CELF2: variants seen among roughly 807,000 people sequenced by gnomAD.
CELF2 encodes CUGBP Elav-like family member 2, also known as CUG triplet repeat RNA-binding protein 2.
In CELF2, 8 loss-of-function variants were observed where a neutral mutation model predicts 62.6. The ratio of observed to expected loss-of-function variants is 0.13; its 90% CI spans 0.07 to 0.23. The LOEUF is 0.23. Among genes scored for constraint, CELF2 ranks in the 10% least tolerant of loss-of-function variants. The probability of loss-of-function intolerance (pLI) is 1.00; values close to 1 mark genes in which losing one functional copy is unlikely to be tolerated. For synonymous variants in CELF2, 258 were observed against 250.0 expected, an observed-to-expected ratio of 1.03 and a Z score of -0.30; for missense variants, 333 against 671.0, an observed-to-expected ratio of 0.50 and a Z score of 5.56.
In CELF2 at chr10:10,947,163, G is replaced by A. The variant is rs777758519; in HGVS notation, c.89+27164G>A. 5 of 152,230 alleles carry A rather than the reference G, an allele frequency of 3.3e-5. No homozygotes were observed. The highest frequency in any genetic ancestry group is 2.1e-4 in the South Asian group (1 of 4,828). The allele number at this position is 152,230 out of a possible 1,614,324, so 9.4% of individuals were successfully genotyped here. A position where few individuals can be genotyped will look rare whatever the true frequency, so the allele number is the denominator to read the frequency against. ...GAGAAGGCAAGGAAACCTTCCAATC[G>A]TTAGAAGTGCACAGGCTCGCTTTCA... On this transcript the variant is annotated intron_variant, in intron 2 of 13. Transcript: ENST00000636488. This position sits in a 1 kb window ranked among gnomAD's most constrained non-coding sequence, Gnocchi z 4.1.
rs1224601171 is a variant in CELF2, at chr10:11,296,828, T to A, written c.976+8276T>A. 6.6e-6 allele frequency among the ~76,000 whole-genome samples: 1 copy of A among 152,060 alleles called. No individual in the cohort carries two copies. Among genetic ancestry groups the A allele is most frequent in the Non-Finnish European group, 1.5e-5 (1 of 68,018 alleles). ...TTTGAGCCAAAATGTTCAGGGTGGG[T>A]AGGATGTTTAAAAGTAGAAGCAGAA... On this transcript the variant is annotated intron_variant, in intron 9 of 12. Coordinates refer to ENST00000633077, the MANE Select transcript of CELF2 (RefSeq NM_001326342.2). The surrounding 1 kb of genome is among the most constrained non-coding windows in gnomAD (Gnocchi z 5.0).
At chr10:11,190,130 A>T (rs2134426440) in intron 2 of CELF2, among the ~76,000 whole-genome samples, 2 of 152,320 alleles carry the variant, frequency 1.3e-5, no homozygotes, top group Middle Eastern at 6.8e-3. Flanking sequence ...ACCTTGTGTT[A>T]ACTTATTTAT....
At position 11,117,194 on chromosome 10, in the gene CELF2, C is replaced by T. The variant is rs1423665653; in HGVS notation, c.75-48292C>T. Among the ~76,000 whole-genome samples the T allele has an allele frequency of 2.6e-5, 4 of 152,234 alleles. No individual in the cohort carries two copies. Among genetic ancestry groups the T allele is most frequent in the Non-Finnish European group, 5.9e-5 (4 of 68,038 alleles). ...CCTTTATATCATCCCGCTCTACTCA[C>T]ATCTTTTAGGCTCATTAAAGGATTT... On this transcript the variant is annotated intron_variant, in intron 1 of 12. Coordinates refer to ENST00000633077, the MANE Select transcript of CELF2 (RefSeq NM_001326342.2). The surrounding 1 kb of genome is among the most constrained non-coding windows in gnomAD (Gnocchi z 4.1).
rs116538573 is a variant in CELF2 at position 11,162,723 on chromosome 10, A to T, written c.75-2763A>T. Among the ~76,000 whole-genome samples, 1,009 of 152,324 alleles carry T rather than the reference A, an allele frequency of 6.6e-3. 11 individuals are homozygous for T. The highest frequency in any genetic ancestry group is 0.023 in the African/African-American group (957 of 41,558). On this transcript the variant is annotated intron_variant, in intron 1 of 12. Transcript: ENST00000633077. Reference sequence around the variant, plus strand: ...TTGTGGTTGAGTCTATACTATAAAAATTTTGAATTGAAAAGTAGATTTTTG... The same window carrying T: ...TTGTGGTTGAGTCTATACTATAAAATTTTTGAATTGAAAAGTAGATTTTTG...
At chr10:10,891,746 G>A (rs968572410) in intron 1 of CELF2, among the ~76,000 whole-genome samples, 1 of 152,122 alleles carries the variant, frequency 6.6e-6, no homozygotes, top group African/African-American at 2.4e-5. Flanking sequence ...CAGGCCTCAA[G>A]GTCAGATCAC....
intron 1 of CELF2, among the ~76,000 whole-genome samples, chr10:10,837,478 C>A (rs1459153081): frequency 6.6e-6 from 1 of 152,210 alleles, no homozygotes; most frequent in Non-Finnish European, 1.5e-5. Flanking sequence ...CTGCTGTGAT[C>A]TTTTCATCCT....
chr10:10,597,803 T>C, the CELF2 span, among the ~76,000 whole-genome samples: 3 of 152,216 alleles, frequency 2.0e-5, no homozygotes, highest in African/African-American at 7.2e-5. Flanking sequence ...CTAATGACCC[T>C]AACACTTGAC....
Position 11,324,070 on chromosome 10 carries a change from A to G in CELF2, c.1295-1766A>G, listed in dbSNP as rs2095597277. On this transcript the variant is annotated intron_variant, in intron 11 of 12. Transcript: ENST00000633077. This position sits in a 1 kb window ranked among gnomAD's most constrained non-coding sequence, Gnocchi z 4.7. ...TATCAGGAGCAAAAGGACAAAACCT[A>G]CTTGTGTGCGTTTACTGGTCTCTCT... Among the ~76,000 whole-genome samples the G allele has an allele frequency of 2.0e-5, 3 of 152,174 alleles. No homozygotes were observed. The South Asian group carries it at 6.2e-4, about 31-fold the overall frequency.
At chr10:10,948,059 G>A (rs1394780400) in intron 2 of CELF2, among the ~76,000 whole-genome samples, 2 of 152,162 alleles carry the variant, frequency 1.3e-5, no homozygotes, top group East Asian at 1.9e-4. Flanking sequence ...AGAGGGGCTG[G>A]GCCTCTGTAT....
the CELF2 span, among the ~76,000 whole-genome samples, chr10:10,528,923 T>A: frequency 6.6e-6 from 1 of 152,216 alleles, no homozygotes; most frequent in South Asian, 2.1e-4. Context: ...GAATGGTAAT[T>A]GAATGAAGAA....
intron 1 of CELF2, chr10:11,030,199 G>T (rs1345771922): frequency 2.6e-5 from 4 of 152,180 alleles, no homozygotes; most frequent in Non-Finnish European, 4.4e-5. Context: ...ACTATTTTAT[G>T]AGATTAGTTA....
Position 11,046,229 on chromosome 10 carries a change from C to T in CELF2, c.74+28066C>T, listed in dbSNP as rs141378425. ...ACCGAACGCTGGGCCCATCCCCAGACGTTCCGATTCAGCGGGTCCAAGGTG... is the reference window on the plus strand; with the variant it reads ...ACCGAACGCTGGGCCCATCCCCAGATGTTCCGATTCAGCGGGTCCAAGGTG... On this transcript the variant is annotated intron_variant, in intron 1 of 12. Coordinates refer to ENST00000633077, the MANE Select transcript of CELF2 (RefSeq NM_001326342.2). This position sits in a 1 kb window ranked among gnomAD's most constrained non-coding sequence, Gnocchi z 4.6. 7.5e-4 allele frequency among the ~76,000 whole-genome samples: 114 copies of T among 152,310 alleles called. 2 individuals are homozygous for T. The East Asian group carries it at 0.014, about 19-fold the overall frequency.
chr10:10,754,061 G>GGTT, the CELF2 span, among the ~76,000 whole-genome samples: 264 of 85,018 alleles, frequency 3.1e-3, no homozygotes, highest in East Asian at 8.3e-3. Flanking sequence ...TGCTGAGGTG[G>GGTT]TTTTTTTTTT....
the CELF2 span, among the ~76,000 whole-genome samples, chr10:10,567,165 C>A: frequency 6.6e-6 from 1 of 152,164 alleles, no homozygotes; most frequent in African/African-American, 2.4e-5. Flanking sequence ...AGTGACTAAA[C>A]ATTTCCTCTA....
At chr10:11,048,030 G>T (rs562152079) in intron 1 of CELF2, among the ~76,000 whole-genome samples, 136 of 152,178 alleles carry the variant, frequency 8.9e-4, no homozygotes, top group African/African-American at 2.6e-3. Context: ...CCAAATGTAA[G>T]AATTGTTCCC....
At chr10:11,072,362 C>G (rs917348929) in intron 1 of CELF2, among the ~76,000 whole-genome samples, 2 of 152,190 alleles carry the variant, frequency 1.3e-5, no homozygotes, top group Admixed American at 1.3e-4. Flanking sequence ...ATGTGAGACT[C>G]AAGTCTTTGA....
chr10:11,061,903 C>T (rs1270615062), intron 1 of CELF2, among the ~76,000 whole-genome samples: 1 of 152,136 alleles, frequency 6.6e-6, no homozygotes, highest in Admixed American at 6.5e-5. Context: ...ACCTTTGCGG[C>T]CTGGGCTCAA....
intron 2 of CELF2, among the ~76,000 whole-genome samples, chr10:11,198,052 G>T (rs2058396008): frequency 6.6e-6 from 1 of 152,144 alleles, no homozygotes; most frequent in Non-Finnish European, 1.5e-5. Context: ...GCTTTAAATT[G>T]GAATCAGCTG....
At chr10:10,686,310 T>TTTG in the CELF2 span, among the ~76,000 whole-genome samples, 281 of 69,802 alleles carry the variant, frequency 4.0e-3, 15 homozygotes, top group South Asian at 0.013. Context: ...TTGGATTTTT[T>TTTG]GGGGGGGGGG....
Sources: allele counts gnomAD v4.1 joint callset (sites outside exome capture counted in the v4.1 genomes callset), GRCh38; gene constraint gnomAD v4.1.1; non-coding constraint Gnocchi (gnomAD v3.1); transcripts MANE v1.5; gene names NCBI Gene and HGNC (gene_info 2026-07-23, HGNC 2026-07-21).